TTC27: variants seen among roughly 807,000 people sequenced by gnomAD.
TTC27 encodes the protein tetratricopeptide repeat domain 27, also known as tetratricopeptide repeat protein 27.
Under a neutral mutation model 115.9 loss-of-function variants are expected in TTC27, and 79 were observed. The observed-to-expected ratio is 0.68, with a 90% CI of 0.57 to 0.82. The LOEUF (loss-of-function observed/expected upper bound fraction) is 0.82. Among genes scored for constraint, TTC27 ranks in the 40% least tolerant of loss-of-function variants. The pLI, the probability that TTC27 is intolerant of heterozygous loss-of-function variation, is 0.00. For missense variants in TTC27, 1,054 were observed against 993.1 expected, an observed-to-expected ratio of 1.06 and a Z score of -0.82; for synonymous variants, 401 against 356.0, an observed-to-expected ratio of 1.13 and a Z score of -1.42.
intron 2 of TTC27, 55 bp from the exon 3 acceptor site, chr2:32,633,821 A>G (rs1664307717): frequency 6.4e-7 from 1 of 1,555,396 alleles, no homozygotes; most frequent in African/African-American, 1.4e-5. Context: ...AGTGTGTTTG[A>G]GATTATACAG....
chr2:32,630,699 A>G lies in TTC27; in HGVS notation c.265A>G (p.Arg89Gly). The change falls in exon 2 of 20, where the codon AGA becomes GGA. Residue 89 changes from arginine (R) to glycine (G), a missense_variant and splice_region_variant. Arg to Gly is a moderately radical substitution (Grantham distance 125). Transcript: ENST00000317907. ...CTCAACAGATTTGGACACAACGGAA[A>G]GGTAGAATTTTATTTGAAATTTTCA... ...DYSTDLDTTE[R>G]QQLIFLLGVS... 1 of 1,598,976 alleles carries G rather than the reference A, an allele frequency of 6.3e-7. No homozygotes were observed. Among genetic ancestry groups the G allele is most frequent in the Non-Finnish European group, 8.5e-7 (1 of 1,174,836 alleles).
At position 32,646,959 on chromosome 2, in the gene TTC27, T is replaced by G. The variant is rs146480195; in HGVS notation, c.538-3172T>G. Among the ~76,000 whole-genome samples the G allele has an allele frequency of 3.3e-3, 496 of 150,450 alleles. 2 individuals carry two copies. Among genetic ancestry groups the G allele is most frequent in the Non-Finnish European group, 4.7e-3 (319 of 67,710 alleles). ...TTTTGAGAGTTCAGCATATTATATG[T>G]TTTTTTTTGTTTGTTTTTTGTTTTT... On this transcript the variant is annotated intron_variant, in intron 4 of 19. Transcript: ENST00000317907.
intron 13 of TTC27, among the ~76,000 whole-genome samples, chr2:32,762,124 G>A (rs1343118432): frequency 6.6e-6 from 1 of 152,194 alleles, no homozygotes; most frequent in Non-Finnish European, 1.5e-5. Context: ...AGAGGCCAAA[G>A]AGAACATTTC....
At chr2:32,652,585 A>T (rs969345151) in intron 5 of TTC27, among the ~76,000 whole-genome samples, 1 of 152,106 alleles carries the variant, frequency 6.6e-6, no homozygotes, top group Non-Finnish European at 1.5e-5. Flanking sequence ...TTTACCTTGC[A>T]ACTAAGAATT....
intron 12 of TTC27, among the ~76,000 whole-genome samples, chr2:32,744,098 A>G (rs1668737333): frequency 6.6e-6 from 1 of 152,266 alleles, no homozygotes; most frequent in African/African-American, 2.4e-5. Context: ...ATAGATACAC[A>G]TGAGCAAATA....
rs573156530 is a variant in TTC27 at position 32,693,943 on chromosome 2, TAATA to T, written c.1120-8857_1120-8854del. Among the ~76,000 whole-genome samples, 1,426 of 152,342 alleles carry T rather than the reference TAATA, an allele frequency of 9.4e-3. 9 individuals are homozygous for T. Among genetic ancestry groups the T allele is most frequent in the South Asian group, 0.023 (113 of 4,824 alleles). ...TATATAAATGTTTATTAAATAAAAC[TAATA>T]AATAAAATGAACAACAAAACAGCAA... On this transcript the variant is annotated intron_variant, in intron 9 of 19. Transcript: ENST00000317907.
intron 8 of TTC27, among the ~76,000 whole-genome samples, chr2:32,673,175 A>G (rs1485260678): frequency 1.4e-5 from 2 of 146,210 alleles, no homozygotes; most frequent in Non-Finnish European, 3.0e-5. Context: ...CTTTCCTTCA[A>G]TTTGAGTTTG....
intron 18 of TTC27, among the ~76,000 whole-genome samples, chr2:32,813,991 C>T (rs937681983): frequency 6.6e-6 from 1 of 152,116 alleles, no homozygotes; most frequent in Non-Finnish European, 1.5e-5. Context: ...GGGATCCAGT[C>T]CTTATGCTTT....
intron 8 of TTC27, among the ~76,000 whole-genome samples, chr2:32,677,888 T>G (rs933880110): frequency 1.3e-5 from 2 of 152,252 alleles, no homozygotes; most frequent in African/African-American, 4.8e-5. Flanking sequence ...GTTTAATAAA[T>G]AAGACTTGGT....
At chr2:32,661,481 T>G (rs1360871368) in intron 5 of TTC27, among the ~76,000 whole-genome samples, 1 of 152,180 alleles carries the variant, frequency 6.6e-6, no homozygotes, top group Non-Finnish European at 1.5e-5. Context: ...AAGAGGTCCT[T>G]TACATCCCTT....
At chr2:32,729,970 C>T (rs184000303) in intron 10 of TTC27, among the ~76,000 whole-genome samples, 9 of 152,192 alleles carry the variant, frequency 5.9e-5, no homozygotes, top group African/African-American at 2.2e-4. Context: ...CTTTGGAGAC[C>T]ATTTACCTAA....
chr2:32,676,553 A>T (rs1473517854), intron 8 of TTC27, among the ~76,000 whole-genome samples: 2 of 142,382 alleles, frequency 1.4e-5, no homozygotes, highest in African/African-American at 5.3e-5. Flanking sequence ...GTGCAGTGGC[A>T]CGATCTTGGC....
chr2:32,691,367 C>T lies in TTC27; in HGVS notation c.1120-11440C>T, dbSNP rs547229794. Among the ~76,000 whole-genome samples, 8 of 150,374 alleles carry T rather than the reference C, an allele frequency of 5.3e-5. No homozygotes were observed. In the East Asian group the frequency reaches 1.2e-3, roughly 22 times the overall value. On this transcript the variant is annotated intron_variant, in intron 9 of 19. Coordinates refer to ENST00000317907, the MANE Select transcript of TTC27 (RefSeq NM_017735.5). ...AGGCTGGAGTGCAATGGCGCAATCTCGGCTCACTGCAACCTCCACCTCCCA... is the reference window on the plus strand; with the variant it reads ...AGGCTGGAGTGCAATGGCGCAATCTTGGCTCACTGCAACCTCCACCTCCCA...
chr2:32,731,135 C>G (rs550961250), intron 10 of TTC27, among the ~76,000 whole-genome samples: 2 of 152,126 alleles, frequency 1.3e-5, no homozygotes, highest in Non-Finnish European at 2.9e-5. Context: ...CACTCTGTTG[C>G]CTAGGTTGCA....
chr2:32,769,688 G>C (rs896476357), intron 13 of TTC27, among the ~76,000 whole-genome samples: 1 of 152,108 alleles, frequency 6.6e-6, no homozygotes, highest in Non-Finnish European at 1.5e-5. Flanking sequence ...ATAAGGAATA[G>C]TATTAAAAAT....
intron 12 of TTC27, among the ~76,000 whole-genome samples, chr2:32,737,887 A>G (rs990672554): frequency 1.3e-5 from 2 of 152,090 alleles, no homozygotes; most frequent in Non-Finnish European, 2.9e-5. Flanking sequence ...GTAGTGGTGC[A>G]TGCCTGTAAT....
chr2:32,792,813 T>A (rs1558346668), intron 16 of TTC27, among the ~76,000 whole-genome samples: 1 of 152,246 alleles, frequency 6.6e-6, no homozygotes, highest in East Asian at 1.9e-4. Context: ...CCCAAGGAAG[T>A]CAAGGTTAGT....
At chr2:32,738,117 A>G (rs1362085249) in intron 12 of TTC27, among the ~76,000 whole-genome samples, 2 of 152,218 alleles carry the variant, frequency 1.3e-5, no homozygotes, top group Admixed American at 1.3e-4. Context: ...GGTTTCCCTT[A>G]TGATTTGCTT....
intron 7 of TTC27, among the ~76,000 whole-genome samples, chr2:32,671,316 C>T (rs1666008368): frequency 1.3e-5 from 2 of 151,934 alleles, no homozygotes; most frequent in African/African-American, 4.8e-5. Context: ...AATGGATATC[C>T]AGTTGTTCTG....
Sources: gnomAD v4.1 joint callset for allele counts (sites outside exome capture counted in the v4.1 genomes callset) on GRCh38, gnomAD v4.1.1 for gene constraint, MANE v1.5 for transcripts, NCBI Gene and HGNC (gene_info 2026-07-23, HGNC 2026-07-21) for gene names.